Variants in PLAAT5 observed in about 807,000 individuals in gnomAD.
PLAAT5 encodes the protein phospholipase A and acyltransferase 5.
In PLAAT5, 27 loss-of-function variants were observed where a neutral mutation model predicts 27.8. The ratio of observed to expected loss-of-function variants is 0.97; its 90% CI spans 0.72 to 1.34. The LOEUF is 1.34. Ranked by LOEUF, PLAAT5 falls within the 40% of genes most tolerant of loss-of-function variation. The probability of loss-of-function intolerance (pLI) is 0.00; values close to 1 mark genes in which losing one functional copy is unlikely to be tolerated. For missense variants in PLAAT5, 368 were observed against 343.8 expected (o/e 1.07, Z -0.56); for synonymous variants, 125 against 136.1 (o/e 0.92, Z 0.57).
rs146115607 is a variant in PLAAT5, at chr11:63,481,593, A to C, written c.345+7278T>G. Among the ~76,000 whole-genome samples, 629 of 152,272 alleles carry C rather than the reference A, an allele frequency of 4.1e-3. 4 individuals carry two copies. Among genetic ancestry groups the C allele is most frequent in the African/African-American group, 0.014 (566 of 41,544 alleles). ...CAGGTGCCCACTTAGAGAAACTCCT[A>C]TTTTCTAAGGCCTCCTATCTGACAA... On this transcript the variant is annotated intron_variant, in intron 3 of 5. Coordinates refer to ENST00000540857, the MANE Select transcript of PLAAT5 (RefSeq NM_001146729.2).
Position 63,462,671 on chromosome 11 carries a change from C to G in PLAAT5, c.*832G>C, listed in dbSNP as rs2015748506. ...TACCAGCTATCACTACAATCCCCAG[C>G]CATAATTTCAGATCTTCCATCCTGT... On this transcript the variant is annotated 3_prime_UTR_variant, in exon 6 of 6. Transcript: ENST00000540857. 6.6e-6 allele frequency: 1 copy of G among 152,112 alleles called. No homozygotes were observed. The highest frequency in any genetic ancestry group is 1.5e-5 in the Non-Finnish European group (1 of 68,022). 9.4% of individuals were successfully genotyped at this position (152,112 alleles called of 1,614,324 possible).
chr11:63,487,208 C>T (rs1254280975), intron 3 of PLAAT5, among the ~76,000 whole-genome samples: 2 of 152,172 alleles, frequency 1.3e-5, no homozygotes, highest in African/African-American at 2.4e-5. Flanking sequence ...TGATGACGTA[C>T]TTGTATACAG....
At chr11:63,483,846 CAT>C (rs1315671302) in intron 3 of PLAAT5, among the ~76,000 whole-genome samples, 1 of 70,528 alleles carries the variant, frequency 1.4e-5, no homozygotes, top group Non-Finnish European at 3.5e-5. Flanking sequence ...TATATATACA[CAT>C]ATATATATAT....
At chr11:63,487,672 CAA>C (rs2016468145) in intron 3 of PLAAT5, among the ~76,000 whole-genome samples, 1 of 152,160 alleles carries the variant, frequency 6.6e-6, no homozygotes, top group African/African-American at 2.4e-5. Flanking sequence ...ACAGTCTGCA[CAA>C]AGACTCGTAC....
At chr11:63,482,564 T>A (rs1411431027) in intron 3 of PLAAT5, among the ~76,000 whole-genome samples, 1 of 152,178 alleles carries the variant, frequency 6.6e-6, no homozygotes. Flanking sequence ...AAAGAACTGC[T>A]GACAGAATTC....
At chr11:63,488,131 C>G (rs2016480083) in intron 3 of PLAAT5, among the ~76,000 whole-genome samples, 1 of 151,874 alleles carries the variant, frequency 6.6e-6, no homozygotes, top group African/African-American at 2.4e-5. Flanking sequence ...GGCGACAGAG[C>G]GAGACTCCAT....
Position 63,469,103 on chromosome 11 carries a change from CGTGTGT to C in PLAAT5, c.346-644_346-639del, listed in dbSNP as rs34013443. 9.8e-3 allele frequency among the ~76,000 whole-genome samples: 1,322 copies of C among 134,422 alleles called. 8 individuals are homozygous for C. Among genetic ancestry groups the C allele is most frequent in the African/African-American group, 0.021 (710 of 34,256 alleles). The allele number at this position is 134,422 out of a possible 152,430, so 88.2% of individuals were successfully genotyped here. On this transcript the variant is annotated intron_variant, in intron 3 of 5. Coordinates refer to ENST00000540857, the MANE Select transcript of PLAAT5 (RefSeq NM_001146729.2). ...CAGCAAATGCAAACTTCTCTATTAT[CGTGTGT>C]GTGTGTGTGTGTGTGTGTGTGTGTG...
intron 3 of PLAAT5, among the ~76,000 whole-genome samples, chr11:63,483,334 G>A (rs1216784513): frequency 4.0e-5 from 6 of 151,848 alleles, no homozygotes; most frequent in Non-Finnish European, 7.4e-5. Context: ...TGGAACATTC[G>A]CCAAGATAGA....
At chr11:63,472,787 C>T (rs932069934) in intron 3 of PLAAT5, among the ~76,000 whole-genome samples, 4 of 152,084 alleles carry the variant, frequency 2.6e-5, no homozygotes, top group African/African-American at 4.8e-5. Flanking sequence ...TATTCTGCAA[C>T]TTTGCTGAAC....
At chr11:63,483,801 G>A (rs7943409) in intron 3 of PLAAT5, among the ~76,000 whole-genome samples, 908 of 23,694 alleles carry the variant, frequency 0.038, 1 homozygote, top group Non-Finnish European at 0.054. Context: ...ATATATATAT[G>A]TATATATATA....
chr11:63,473,254 T>C (rs1024337814), intron 3 of PLAAT5, among the ~76,000 whole-genome samples: 2 of 152,244 alleles, frequency 1.3e-5, no homozygotes, highest in Non-Finnish European at 2.9e-5. Flanking sequence ...GATAAGTCAA[T>C]TGGCGCCTTT....
intron 3 of PLAAT5, among the ~76,000 whole-genome samples, chr11:63,479,973 C>T (rs770349672): frequency 1.3e-5 from 2 of 152,204 alleles, no homozygotes; most frequent in African/African-American, 4.8e-5. Flanking sequence ...TTCCATCTCA[C>T]TCTACCTGAC....
In PLAAT5 at chr11:63,488,838, G is replaced by A. The variant is rs775578605; in HGVS notation, c.345+33C>T. 2.8e-6 allele frequency: 4 copies of A among 1,452,334 alleles called. No homozygotes were observed. In the Admixed American group the frequency reaches 5.0e-5, roughly 18 times the overall value. The allele number at this position is 1,452,334 out of a possible 1,614,324, so 90.0% of individuals were successfully genotyped here. Reference sequence around the variant, plus strand: ...GTAGAGAAGTTGCCAGGAGGTTAAAGATAGTCACTTTGAGAATTCTTGTTA... The same window carrying A: ...GTAGAGAAGTTGCCAGGAGGTTAAAAATAGTCACTTTGAGAATTCTTGTTA... On this transcript the variant is annotated intron_variant, in intron 3 of 5. Transcript: ENST00000540857.
intron 3 of PLAAT5, among the ~76,000 whole-genome samples, chr11:63,471,752 A>C (rs1297012372): frequency 6.6e-6 from 1 of 152,248 alleles, no homozygotes; most frequent in African/African-American, 2.4e-5. Context: ...AATGCAGTAC[A>C]TTTTGAAATT....
intron 5 of PLAAT5, among the ~76,000 whole-genome samples, chr11:63,464,581 G>A (rs1396373636): frequency 6.6e-6 from 1 of 152,030 alleles, no homozygotes; most frequent in Non-Finnish European, 1.5e-5. Context: ...GCTTGAACCT[G>A]GGAGGCAGAG....
chr11:63,490,172 G>A, intron 2 of PLAAT5, 71 bp downstream of exon 2: 1 of 1,605,162 alleles, frequency 6.2e-7, no homozygotes, highest in Middle Eastern at 1.7e-4. Flanking sequence ...TTGTTTTACA[G>A]AACTGCATTC....
chr11:63,466,061 C>A, intron 5 of PLAAT5, 49 bp downstream of exon 5: 1 of 1,580,968 alleles, frequency 6.3e-7, no homozygotes, highest in Non-Finnish European at 8.6e-7. Flanking sequence ...AATGACAAAC[C>A]CCAAGAAAGC....
Position 63,466,375 on chromosome 11 carries a change from G to A in PLAAT5, c.455-3C>T. ...GCTGCCCACCTCAAACTCCTCACCT[G>A]GAGACCAAAGACAAACAAAGGTTGG... On this transcript the variant is annotated splice_polypyrimidine_tract_variant and splice_region_variant and intron_variant, in intron 4 of 5. Transcript: ENST00000540857. 1.2e-6 allele frequency: 2 copies of A among 1,613,642 alleles called. No homozygotes were observed. The highest frequency in any genetic ancestry group is 2.2e-5 in the South Asian group (2 of 90,990).
Position 63,461,585 on chromosome 11 carries a change from A to G in PLAAT5, c.*1918T>C, listed in dbSNP as rs2015717214. 1 of 152,178 alleles carries G rather than the reference A, an allele frequency of 6.6e-6. No homozygotes were observed. Among genetic ancestry groups the G allele is most frequent in the African/African-American group, 2.4e-5 (1 of 41,436 alleles). 9.4% of individuals were successfully genotyped at this position (152,178 alleles called of 1,614,324 possible). A position where few individuals can be genotyped will look rare whatever the true frequency, so the allele number is the denominator to read the frequency against. The stretch of plus-strand genomic sequence containing the variant: ...TCTGTTTCTACCTCAAAATGCAGAA[A>G]CCATTACAGATTAAAAGAGAAACAC... On this transcript the variant is annotated 3_prime_UTR_variant, in exon 6 of 6. Coordinates refer to ENST00000540857, the MANE Select transcript of PLAAT5 (RefSeq NM_001146729.2).
Sources: gnomAD v4.1 joint callset for allele counts (sites outside exome capture counted in the v4.1 genomes callset) on GRCh38, gnomAD v4.1.1 for gene constraint, MANE v1.5 for transcripts, NCBI Gene and HGNC (gene_info 2026-07-23, HGNC 2026-07-21) for gene names.